EFCAB6: variants seen among roughly 807,000 people sequenced by gnomAD.
EFCAB6 encodes EF-hand calcium binding domain 6, also known as EF-hand calcium-binding domain-containing protein 6.
Under a neutral mutation model 169.8 loss-of-function variants are expected in EFCAB6, and 156 were observed. The ratio of observed to expected loss-of-function variants is 0.92; its 90% CI spans 0.81 to 1.05. The LOEUF is 1.05. Ranked by LOEUF, EFCAB6 falls within the 50% of genes least tolerant of loss-of-function variation. The pLI, the probability that EFCAB6 is intolerant of heterozygous loss-of-function variation, is 0.00. For synonymous variants in EFCAB6, 698 were observed against 676.4 expected (o/e 1.03, Z -0.50); for missense variants, 1,800 against 1,829.1 (o/e 0.98, Z 0.29).
At chr22:43,771,741 C>A (rs1440349706) in intron 4 of EFCAB6, among the ~76,000 whole-genome samples, 1 of 152,148 alleles carries the variant, frequency 6.6e-6, no homozygotes, top group Non-Finnish European at 1.5e-5. Context: ...TCCTCCACAT[C>A]CCTCCCCATG....
chr22:43,738,496 C>T (rs900947919), intron 6 of EFCAB6, among the ~76,000 whole-genome samples: 1 of 147,518 alleles, frequency 6.8e-6, no homozygotes, highest in African/African-American at 2.6e-5. Flanking sequence ...CACACATGCA[C>T]ATATACTCAC....
intron 5 of EFCAB6, among the ~76,000 whole-genome samples, chr22:43,757,511 C>T (rs1202625508): frequency 3.3e-5 from 5 of 152,330 alleles, no homozygotes; most frequent in African/African-American, 1.2e-4. Flanking sequence ...CACACCGTTG[C>T]ACTCCAACCC....
chr22:43,766,160 G>A lies in EFCAB6; in HGVS notation c.352-767C>T, dbSNP rs547959506. Among the ~76,000 whole-genome samples the A allele has an allele frequency of 2.6e-5, 4 of 151,978 alleles. No homozygotes were observed. In the East Asian group the frequency reaches 7.8e-4, roughly 30 times the overall value. ...ATGCAATTCTCCTGCCTCAGGTTCTGGAGCAGCTGGGACTATAGGCACACA... is the reference window on the plus strand; with the variant it reads ...ATGCAATTCTCCTGCCTCAGGTTCTAGAGCAGCTGGGACTATAGGCACACA... On this transcript the variant is annotated intron_variant, in intron 4 of 31. Coordinates refer to ENST00000262726, the MANE Select transcript of EFCAB6 (RefSeq NM_022785.4).
intron 20 of EFCAB6, among the ~76,000 whole-genome samples, chr22:43,621,590 T>G (rs2054118547): frequency 6.6e-6 from 1 of 152,002 alleles, no homozygotes; most frequent in Non-Finnish European, 1.5e-5. Context: ...TAACGGCTTA[T>G]ATGAGAGAAA....
chr22:43,653,613 G>C (rs1317459984), intron 17 of EFCAB6, among the ~76,000 whole-genome samples: 1 of 152,190 alleles, frequency 6.6e-6, no homozygotes, highest in Admixed American at 6.5e-5. Context: ...ATAAAATCTG[G>C]AGAGAGAAAT....
In EFCAB6 at chr22:43,590,127, C is replaced by T. The variant is rs748596351; in HGVS notation, c.2979G>A (p.Leu993=). The stretch of plus-strand genomic sequence containing the variant: ...CGGTAAGAGAACATCCACATTCTTC[C>T]AGCACTTCCTGCATCTTGCATATGG... The part of the protein sequence containing the change: ...YISICKMQEV[L]EECGCSLTEG... The change falls in exon 24 of 32, where the codon CTG becomes CTA. Residue 993 remains leucine, a synonymous_variant. Transcript: ENST00000262726. 2.5e-6 allele frequency: 4 copies of T among 1,614,038 alleles called. No individual in the cohort carries two copies. Among genetic ancestry groups the T allele is most frequent in the Non-Finnish European group, 1.7e-6 (2 of 1,180,018 alleles).
chr22:43,643,092 C>T (rs954749997), intron 17 of EFCAB6, among the ~76,000 whole-genome samples: 5 of 152,174 alleles, frequency 3.3e-5, no homozygotes, highest in Admixed American at 6.5e-5. Context: ...CAGACAGGAA[C>T]GGAAGCTTCC....
intron 2 of EFCAB6, among the ~76,000 whole-genome samples, chr22:43,807,322 G>A (rs1021242536): frequency 2.0e-4 from 30 of 152,194 alleles, no homozygotes; most frequent in African/African-American, 5.8e-4. Flanking sequence ...AAAATAAAGA[G>A]AATTTTGAGA....
chr22:43,560,654 G>A (rs2048972518), intron 26 of EFCAB6, among the ~76,000 whole-genome samples: 1 of 152,140 alleles, frequency 6.6e-6, no homozygotes, highest in Non-Finnish European at 1.5e-5. Context: ...GGTGCCACGG[G>A]AAGTGCAGGT....
At chr22:43,577,271 G>A (rs1240904838) in intron 25 of EFCAB6, among the ~76,000 whole-genome samples, 2 of 152,178 alleles carry the variant, frequency 1.3e-5, no homozygotes, top group East Asian at 1.9e-4. Context: ...TCTGCATCCA[G>A]GGGTAGATTA....
At chr22:43,792,408 G>A (rs1349398702) in intron 2 of EFCAB6, among the ~76,000 whole-genome samples, 1 of 152,194 alleles carries the variant, frequency 6.6e-6, no homozygotes, top group Non-Finnish European at 1.5e-5. Context: ...AAGGGAAGTG[G>A]AGATGTGCAC....
rs182442909 is a variant in EFCAB6 at position 43,767,841 on chromosome 22, G to A, written c.352-2448C>T. Among the ~76,000 whole-genome samples the A allele has an allele frequency of 4.3e-4, 65 of 152,288 alleles. 1 individual carries two copies. In the Middle Eastern group the frequency reaches 0.02, roughly 48 times the overall value. On this transcript the variant is annotated intron_variant, in intron 4 of 31. Coordinates refer to ENST00000262726, the MANE Select transcript of EFCAB6 (RefSeq NM_022785.4). ...TTGCGATGATAGTCTCCAAAGCTAA[G>A]CCCCTTAGACAAGTAAAGAATCTAG...
At chr22:43,570,521 G>A (rs1201240904) in intron 26 of EFCAB6, among the ~76,000 whole-genome samples, 1 of 152,084 alleles carries the variant, frequency 6.6e-6, no homozygotes, top group Non-Finnish European at 1.5e-5. Flanking sequence ...AGTGAAGAAC[G>A]GGTATTTGCT....
chr22:43,737,606 CAT>C (rs951987103), intron 6 of EFCAB6, among the ~76,000 whole-genome samples: 8 of 151,160 alleles, frequency 5.3e-5, no homozygotes, highest in African/African-American at 1.7e-4. Context: ...CACTCACACA[CAT>C]ATATTCACAC....
intron 2 of EFCAB6, among the ~76,000 whole-genome samples, chr22:43,797,768 T>C (rs1466501148): frequency 6.6e-6 from 1 of 151,998 alleles, no homozygotes; most frequent in Non-Finnish European, 1.5e-5. Flanking sequence ...ACCAAAGTCC[T>C]TGGTGTCTTT....
chr22:43,779,378 C>T (rs1158675226), intron 3 of EFCAB6, among the ~76,000 whole-genome samples: 1 of 152,156 alleles, frequency 6.6e-6, no homozygotes, highest in African/African-American at 2.4e-5. Context: ...AAGAGATCAG[C>T]CCAACTGCTG....
chr22:43,735,914 T>A lies in EFCAB6; in HGVS notation c.587A>T (p.Glu196Val), dbSNP rs377328662. 7.4e-6 allele frequency: 12 copies of A among 1,614,074 alleles called. No individual in the cohort carries two copies. Among genetic ancestry groups the A allele is most frequent in the Non-Finnish European group, 9.3e-6 (11 of 1,180,042 alleles). ...VNKTGLVRPQ[E>V]LRRVLETFCM... is the part of the protein sequence containing the mutation. ...GAAGGTCTCCAGAACCCTTCTTAGCTCCTGCGGTCGAACCAGTCCAGTCTT... is the reference window on the plus strand; with the variant it reads ...GAAGGTCTCCAGAACCCTTCTTAGCACCTGCGGTCGAACCAGTCCAGTCTT... The change falls in exon 7 of 32, where the codon GAG becomes GTG. Residue 196 changes from glutamate (E) to valine (V), a missense_variant. By Grantham distance (121) the Glu-to-Val change is moderately radical. Coordinates refer to ENST00000262726, the MANE Select transcript of EFCAB6 (RefSeq NM_022785.4).
chr22:43,697,072 T>A (rs1055442226), intron 10 of EFCAB6, among the ~76,000 whole-genome samples: 84 of 152,184 alleles, frequency 5.5e-4, no homozygotes, highest in Admixed American at 6.5e-4. Flanking sequence ...CAAGGACATG[T>A]AAATCAAAAC....
intron 8 of EFCAB6, among the ~76,000 whole-genome samples, chr22:43,728,717 G>C (rs1000030246): frequency 9.2e-5 from 14 of 152,162 alleles, no homozygotes; most frequent in African/African-American, 3.4e-4. Context: ...CTTCTTTTGA[G>C]AAGTGTCTGT....
Sources: allele counts gnomAD v4.1 joint callset (sites outside exome capture counted in the v4.1 genomes callset), GRCh38; gene constraint gnomAD v4.1.1; transcripts MANE v1.5; gene names NCBI Gene and HGNC (gene_info 2026-07-23, HGNC 2026-07-21).